Variants in CTNND2 observed in about 807,000 individuals in gnomAD.
The protein encoded by CTNND2 is catenin delta 2.
CTNND2 carries 22 observed loss-of-function variants against 144.4 expected under a neutral mutation model. That is an observed-to-expected ratio of 0.15 (90% CI 0.11 to 0.22). The LOEUF (loss-of-function observed/expected upper bound fraction) is 0.22, where lower values mean the gene tolerates loss of function less well. CTNND2 is among the 10% of genes least tolerant of loss of function. CTNND2 has a pLI of 1.00. For synonymous variants in CTNND2, 751 were observed against 695.6 expected, an observed-to-expected ratio of 1.08 and a Z score of -1.25; for missense variants, 1,353 against 1,618.8, an observed-to-expected ratio of 0.84 and a Z score of 2.82.
chr5:11,810,841 G>A (rs1019592366), intron 1 of CTNND2, among the ~76,000 whole-genome samples: 3 of 151,810 alleles, frequency 2.0e-5, no homozygotes, highest in East Asian at 2.0e-4. Flanking sequence ...GGCAACACCT[G>A]GTGTCGGCAC....
chr5:11,116,718 G>A (rs1753582483), intron 13 of CTNND2, among the ~76,000 whole-genome samples: 1 of 152,160 alleles, frequency 6.6e-6, no homozygotes, highest in South Asian at 2.1e-4. Flanking sequence ...GGCACTTAGT[G>A]TAATCAACAG....
intron 9 of CTNND2, among the ~76,000 whole-genome samples, chr5:11,260,432 G>GA (rs985223680): frequency 7.3e-5 from 11 of 151,474 alleles, no homozygotes; most frequent in African/African-American, 1.5e-4. Flanking sequence ...AAAACCCAAT[G>GA]AAAAAAAACC....
intron 2 of CTNND2, among the ~76,000 whole-genome samples, chr5:11,619,058 T>C (rs190364204): frequency 1.6e-3 from 241 of 152,324 alleles, no homozygotes; most frequent in African/African-American, 5.5e-3. Flanking sequence ...TTGTGGTGTA[T>C]GACTTTTATT....
At chr5:10,976,251 A>T (rs895405822) in intron 21 of CTNND2, among the ~76,000 whole-genome samples, 4 of 151,426 alleles carry the variant, frequency 2.6e-5, no homozygotes, top group Non-Finnish European at 5.9e-5. Context: ...GGTGAAACAC[A>T]TCCACAGTGG....
intron 1 of CTNND2, among the ~76,000 whole-genome samples, chr5:11,838,979 A>C (rs547391559): frequency 2.6e-5 from 4 of 152,348 alleles, no homozygotes; most frequent in Non-Finnish European, 5.9e-5. Flanking sequence ...TGTGGAAATA[A>C]AGTGGTAGAA....
chr5:11,356,276 A>G (rs1755868130), intron 8 of CTNND2, among the ~76,000 whole-genome samples: 1 of 152,182 alleles, frequency 6.6e-6, no homozygotes, highest in Non-Finnish European at 1.5e-5. Flanking sequence ...AACTGAAGGC[A>G]TCACACTATG....
At chr5:11,271,967 TAATATA>T (rs1234968075) in intron 9 of CTNND2, among the ~76,000 whole-genome samples, 1 of 152,082 alleles carries the variant, frequency 6.6e-6, no homozygotes, top group African/African-American at 2.4e-5. Flanking sequence ...AAATGAAGTA[TAATATA>T]AATATAGATA....
chr5:11,012,558 CG>C (rs1561170064), intron 18 of CTNND2, among the ~76,000 whole-genome samples: 1 of 152,156 alleles, frequency 6.6e-6, no homozygotes, highest in Non-Finnish European at 1.5e-5. Flanking sequence ...CCTGGTGAAT[CG>C]GAGGGCTACT....
chr5:11,652,684 A>G (rs1017799544), intron 2 of CTNND2, among the ~76,000 whole-genome samples: 1 of 152,208 alleles, frequency 6.6e-6, no homozygotes, highest in Non-Finnish European at 1.5e-5. Flanking sequence ...AATCACCACA[A>G]TTAAGCTAAT....
At chr5:11,267,668 A>C (rs1745588203) in intron 9 of CTNND2, among the ~76,000 whole-genome samples, 1 of 152,242 alleles carries the variant, frequency 6.6e-6, no homozygotes, top group Non-Finnish European at 1.5e-5. Context: ...TGCAAATGTT[A>C]GAAACCTGTC....
At chr5:11,849,101 G>A (rs1794891648) in intron 1 of CTNND2, among the ~76,000 whole-genome samples, 1 of 152,076 alleles carries the variant, frequency 6.6e-6, no homozygotes, top group Non-Finnish European at 1.5e-5. Context: ...AGGTTTAATG[G>A]ACTCACAGTT....
At chr5:11,349,626 G>A (rs1755133455) in intron 8 of CTNND2, among the ~76,000 whole-genome samples, 1 of 151,990 alleles carries the variant, frequency 6.6e-6, no homozygotes, top group Non-Finnish European at 1.5e-5. Flanking sequence ...TGAAACGAAA[G>A]GAAATGTCTA....
At chr5:11,404,350 T>G (rs889954873) in intron 5 of CTNND2, among the ~76,000 whole-genome samples, 2 of 152,184 alleles carry the variant, frequency 1.3e-5, no homozygotes, top group Non-Finnish European at 1.5e-5. Context: ...ATTATCGATC[T>G]GGCCCTCCAG....
intron 12 of CTNND2, among the ~76,000 whole-genome samples, chr5:11,147,437 C>T (rs552354687): frequency 4.6e-5 from 7 of 152,030 alleles, no homozygotes; most frequent in Admixed American, 6.6e-5. Flanking sequence ...TATAGAACAA[C>T]GGAAAAGAGG....
At chr5:11,238,282 C>T (rs755914814) in intron 9 of CTNND2, among the ~76,000 whole-genome samples, 1 of 152,068 alleles carries the variant, frequency 6.6e-6, no homozygotes, top group Admixed American at 6.5e-5. Flanking sequence ...CCACAAGCCA[C>T]CAAAGGGCAC....
chr5:11,227,530 T>C (rs761558580), intron 10 of CTNND2, among the ~76,000 whole-genome samples: 26 of 152,218 alleles, frequency 1.7e-4, no homozygotes, highest in African/African-American at 6.3e-4. Context: ...GATTCAAAGG[T>C]AGTTGACTGA....
chr5:11,030,754 GTTTTTTT>G (rs61312361), intron 16 of CTNND2, among the ~76,000 whole-genome samples: 21 of 100,762 alleles, frequency 2.1e-4, no homozygotes, highest in Non-Finnish European at 2.7e-4. Context: ...TATGGTTTCT[GTTTTTTT>G]TTTTTTTTTT....
In CTNND2 at chr5:11,192,150, C is replaced by T. The variant is rs768883211; in HGVS notation, c.1975+7298G>A. On this transcript the variant is annotated intron_variant, in intron 11 of 21. Coordinates refer to ENST00000304623, the MANE Select transcript of CTNND2 (RefSeq NM_001332.4). ...CAAGGTGGCAACAATTCCTGTGATT[C>T]CAGTTTCCTAAAGAAGAGACAATGG... is the stretch of plus-strand genomic sequence containing the variant. 3.9e-5 allele frequency among the ~76,000 whole-genome samples: 6 copies of T among 152,302 alleles called. 1 individual carries two copies. The highest frequency in any genetic ancestry group is 4.1e-4 in the South Asian group (2 of 4,820).
chr5:11,770,452 GAAGGAA>G (rs1789861820), intron 1 of CTNND2, among the ~76,000 whole-genome samples: 1 of 134,250 alleles, frequency 7.4e-6, no homozygotes, highest in Non-Finnish European at 1.6e-5. Context: ...AGGAAGGAAG[GAAGGAA>G]GGAAGGGGTA....
Sources: allele counts gnomAD v4.1 joint callset (sites outside exome capture counted in the v4.1 genomes callset), GRCh38; gene constraint gnomAD v4.1.1; transcripts MANE v1.5; gene names NCBI Gene and HGNC (gene_info 2026-07-23, HGNC 2026-07-21).